The following ZNF90 variants were observed in gnomAD, a reference collection of about 807,000 sequenced individuals.
The protein encoded by ZNF90 is zinc finger protein 90.
ZNF90 carries 11 observed loss-of-function variants against 12.0 expected under a neutral mutation model. The observed-to-expected ratio is 0.92, with a 90% CI of 0.58 to 1.52. The LOEUF is 1.52. Among genes scored for constraint, ZNF90 ranks in the 40% most tolerant of loss-of-function variants. The probability of loss-of-function intolerance (pLI) is 0.00; values close to 1 mark genes in which losing one functional copy is unlikely to be tolerated. For synonymous variants in ZNF90, 232 were observed against 240.1 expected, an observed-to-expected ratio of 0.97 and a Z score of 0.31; for missense variants, 765 against 711.5, an observed-to-expected ratio of 1.08 and a Z score of -0.86.
chr19:20,100,545 G>A (rs999346316), intron 1 of ZNF90, among the ~76,000 whole-genome samples: 4 of 152,166 alleles, frequency 2.6e-5, no homozygotes, highest in Middle Eastern at 3.2e-3. Context: ...GCTAGCCCAT[G>A]CTCCAATGTT....
chr19:20,079,833 C>A, intron 1 of ZNF90: 2 of 349,260 alleles, frequency 5.7e-6, no homozygotes. Context: ...CTCGGCCACC[C>A]TGTCCCGGCC....
chr19:20,079,935 C>CTTT, intron 1 of ZNF90: 1 of 398,568 alleles, frequency 2.5e-6, no homozygotes, highest in Admixed American at 3.4e-5. Flanking sequence ...ATCGTATTTC[C>CTTT]TCTTTTTTTT....
chr19:20,109,566 A>G (rs1039407892), intron 3 of ZNF90, among the ~76,000 whole-genome samples: 1 of 152,128 alleles, frequency 6.6e-6, no homozygotes, highest in Non-Finnish European at 1.5e-5. Flanking sequence ...ACCATCTTAA[A>G]TTTATTAAAG....
Position 20,106,044 on chromosome 19 carries a change from C to CATTTTTTTTTT in ZNF90, c.226+728_226+729insATTTTTTTTTT, listed in dbSNP as rs1555704366. Among the ~76,000 whole-genome samples the CATTTTTTTTTT allele has an allele frequency of 6.5e-4, 46 of 71,010 alleles. 2 individuals are homozygous for CATTTTTTTTTT. Among genetic ancestry groups the CATTTTTTTTTT allele is most frequent in the African/African-American group, 1.6e-3 (30 of 18,794 alleles). The allele number at this position is 71,010 out of a possible 152,430, so 46.6% of individuals were successfully genotyped here. A position where few individuals can be genotyped will look rare whatever the true frequency, so the allele number is the denominator to read the frequency against. On this transcript the variant is annotated intron_variant, in intron 3 of 3. Transcript: ENST00000418063. ...TTATTTGGAACTTCTCTAATTTTTT[C>CATTTTTTTTTT]TTTTTTTTTTTTTTTTTTTTTTTGG... is the stretch of plus-strand genomic sequence containing the variant.
chr19:20,095,692 TAA>T (rs1367409426), intron 1 of ZNF90, among the ~76,000 whole-genome samples: 1 of 151,128 alleles, frequency 6.6e-6, no homozygotes, highest in East Asian at 2.0e-4. Flanking sequence ...AGATAAGAGA[TAA>T]GAGATTGGGG....
chr19:20,117,727 T>G, intron 3 of ZNF90, 54 bp from the exon 4 acceptor site: 1 of 1,440,204 alleles, frequency 6.9e-7, no homozygotes. Context: ...AAATGTAACC[T>G]GTATTTATCA....
At chr19:20,081,986 G>C (rs1173479602) in intron 1 of ZNF90, among the ~76,000 whole-genome samples, 1 of 151,530 alleles carries the variant, frequency 6.6e-6, no homozygotes, top group African/African-American at 2.4e-5. Flanking sequence ...GGAGGGTCTC[G>C]ATCTCCTGAC....
chr19:20,085,245 C>G (rs562097735), intron 1 of ZNF90, among the ~76,000 whole-genome samples: 6 of 134,502 alleles, frequency 4.5e-5, no homozygotes, highest in African/African-American at 1.7e-4. Context: ...TTATTTCTGG[C>G]CTCTCTGTTC....
At chr19:20,082,749 G>A (rs1457819223) in intron 1 of ZNF90, among the ~76,000 whole-genome samples, 3 of 152,110 alleles carry the variant, frequency 2.0e-5, no homozygotes, top group Admixed American at 6.5e-5. Flanking sequence ...CCCCCAGCCC[G>A]ACACCCATAA....
chr19:20,104,475 C>A lies in ZNF90; in HGVS notation c.130+110C>A. On this transcript the variant is annotated intron_variant, in intron 2 of 3. Coordinates refer to ENST00000418063, the MANE Select transcript of ZNF90 (RefSeq NM_007138.2). ...TTGTTTGCATAAGAGAGTTTTAGAT[C>A]CCCCTTTTCCTGAAAATCTTCAGAA... 9 of 1,226,076 alleles carry A rather than the reference C, an allele frequency of 7.3e-6. No homozygotes were observed. In the South Asian group the frequency reaches 1.4e-4, roughly 19 times the overall value. The allele number at this position is 1,226,076 out of a possible 1,614,324, so 75.9% of individuals were successfully genotyped here.
intron 3 of ZNF90, among the ~76,000 whole-genome samples, chr19:20,112,221 A>G (rs2089095920): frequency 6.8e-6 from 1 of 146,316 alleles, no homozygotes; most frequent in Non-Finnish European, 1.5e-5. Flanking sequence ...GGTTTCATGT[A>G]TAATAATTTT....
rs1228411907 is a variant in ZNF90, at chr19:20,120,055, A to G, written c.*695A>G. 2.0e-5 allele frequency among the ~76,000 whole-genome samples: 3 copies of G among 152,222 alleles called. No homozygotes were observed. The highest frequency in any genetic ancestry group is 1.3e-4 in the Admixed American group (2 of 15,288). ...ATAGAAAATTTGACAAATCCTTTAT[A>G]TGGTTGCAAGACTTGATTGTAGGTA... On this transcript the variant is annotated 3_prime_UTR_variant, in exon 4 of 4. Transcript: ENST00000418063.
At position 20,118,070 on chromosome 19, in the gene ZNF90, T is replaced by A; in HGVS notation, c.516T>A (p.Pro172=). 2 of 1,613,210 alleles carry A rather than the reference T, an allele frequency of 1.2e-6. No individual in the cohort carries two copies. Among genetic ancestry groups the A allele is most frequent in the South Asian group, 2.2e-5 (2 of 90,998 alleles). Reference sequence around the variant, plus strand: ...AGATAAGAGATACTGGAAAAAAACCTTTCAAATGTATAGAATGTGGCAAAG... The same window carrying A: ...AGATAAGAGATACTGGAAAAAAACCATTCAAATGTATAGAATGTGGCAAAG... The part of the protein sequence containing the change: ...RHKIRDTGKK[P]FKCIECGKAF... Residue 172 remains proline (P), a synonymous_variant, in exon 4 of 4, where the codon CCT becomes CCA. Coordinates refer to ENST00000418063, the MANE Select transcript of ZNF90 (RefSeq NM_007138.2).
Position 20,120,697 on chromosome 19 carries a change from TAA to T in ZNF90, c.*1342_*1343del, listed in dbSNP as rs1235752765. ...CATTACACTAAAACAGTGTTGAGTA[TAA>T]AAAAGAATCCACAACAAAAATTGTT... On this transcript the variant is annotated 3_prime_UTR_variant, in exon 4 of 4. Transcript: ENST00000418063. 6.6e-6 allele frequency: 1 copy of T among 152,188 alleles called. No individual in the cohort carries two copies. The highest frequency in any genetic ancestry group is 1.5e-5 in the Non-Finnish European group (1 of 68,030). The allele number at this position is 152,188 out of a possible 1,614,324, so 9.4% of individuals were successfully genotyped here.
intron 1 of ZNF90, among the ~76,000 whole-genome samples, chr19:20,092,941 A>G (rs2088913926): frequency 6.6e-6 from 1 of 152,232 alleles, no homozygotes; most frequent in Admixed American, 6.5e-5. Context: ...AAAGTAGATC[A>G]TGAGAAAGAG....
intron 1 of ZNF90, among the ~76,000 whole-genome samples, chr19:20,079,027 G>A (rs544445832): frequency 6.6e-6 from 1 of 150,670 alleles, no homozygotes; most frequent in African/African-American, 2.5e-5. Flanking sequence ...GCTGAGGCCC[G>A]AGAATTGCTT....
At chr19:20,081,091 A>G (rs1417839639) in intron 1 of ZNF90, among the ~76,000 whole-genome samples, 1 of 152,130 alleles carries the variant, frequency 6.6e-6, no homozygotes, top group Non-Finnish European at 1.5e-5. Flanking sequence ...CAAGTGCCAC[A>G]ATAGGATTCC....
chr19:20,098,503 T>C (rs572554069), intron 1 of ZNF90, among the ~76,000 whole-genome samples: 33 of 152,360 alleles, frequency 2.2e-4, no homozygotes, highest in South Asian at 2.1e-4. Context: ...TCCAGAGCCA[T>C]GACCACAACT....
chr19:20,102,911 T>C (rs1555704018), intron 1 of ZNF90, among the ~76,000 whole-genome samples: 2 of 152,236 alleles, frequency 1.3e-5, no homozygotes, highest in African/African-American at 4.8e-5. Context: ...CTACTAAAAA[T>C]TACAGAACAT....
Sources: gnomAD v4.1 joint callset for allele counts (sites outside exome capture counted in the v4.1 genomes callset) on GRCh38, gnomAD v4.1.1 for gene constraint, MANE v1.5 for transcripts, NCBI Gene and HGNC (gene_info 2026-07-23, HGNC 2026-07-21) for gene names.